Variants in GDAP1 observed in about 807,000 individuals in gnomAD.
GDAP1 encodes ganglioside induced differentiation associated protein 1, also known as ganglioside-induced differentiation-associated protein 1.
GDAP1 carries 34 observed loss-of-function variants against 40.1 expected under a neutral mutation model. The ratio of observed to expected loss-of-function variants is 0.85; its 90% CI spans 0.64 to 1.13. The LOEUF (loss-of-function observed/expected upper bound fraction) is 1.13, where lower values mean the gene tolerates loss of function less well. Ranked by LOEUF, GDAP1 falls within the 50% of genes most tolerant of loss-of-function variation. GDAP1 has a pLI of 0.00. For missense variants in GDAP1, 374 were observed against 433.7 expected, an observed-to-expected ratio of 0.86 and a Z score of 1.22; for synonymous variants, 170 against 157.4, an observed-to-expected ratio of 1.08 and a Z score of -0.60.
intron 2 of GDAP1, among the ~76,000 whole-genome samples, chr8:74,396,891 A>C (rs1318792498): frequency 6.6e-6 from 1 of 152,198 alleles, no homozygotes; most frequent in Non-Finnish European, 1.5e-5. Flanking sequence ...TGGCTGGGTC[A>C]AATTGTATTT....
intron 2 of GDAP1, among the ~76,000 whole-genome samples, chr8:74,399,773 G>A (rs1394524890): frequency 8.1e-6 from 1 of 123,774 alleles, no homozygotes; most frequent in Admixed American, 8.1e-5. Context: ...TGGTTTCAAA[G>A]AACATCTTTA....
downstream of GDAP1, among the ~76,000 whole-genome samples, chr8:74,369,704 G>A (rs934732686): frequency 4.0e-5 from 6 of 151,662 alleles, no homozygotes; most frequent in East Asian, 1.9e-4. Context: ...TTACTTACTC[G>A]TCCAAGAAAA....
rs144717682 is a variant in GDAP1, at chr8:74,356,659, AGTGTGTGTGT to A, written c.311-3455_311-3446del. 3.2e-4 allele frequency among the ~76,000 whole-genome samples: 39 copies of A among 122,996 alleles called. 1 individual carries two copies. The South Asian group carries it at 3.8e-3, about 12-fold the overall frequency. 80.7% of individuals were successfully genotyped at this position (122,996 alleles called of 152,430 possible). On this transcript the variant is annotated intron_variant, in intron 2 of 5. Coordinates refer to ENST00000220822, the MANE Select transcript of GDAP1 (RefSeq NM_018972.4). Reference sequence around the variant, plus strand: ...ATAACTTAATTGTTTAATATTATTTAGTGTGTGTGTGTGTGTGTGTGTGTGTGTGTGTTTG... The same window carrying A: ...ATAACTTAATTGTTTAATATTATTTAGTGTGTGTGTGTGTGTGTGTGTTTG...
chr8:74,354,275 T>C (rs1382425910), intron 2 of GDAP1, among the ~76,000 whole-genome samples: 1 of 152,186 alleles, frequency 6.6e-6, no homozygotes, highest in Non-Finnish European at 1.5e-5. Context: ...TTATGAAAAA[T>C]TATCCCCAAT....
At chr8:74,382,010 T>TC (rs1314087466) in intron 2 of GDAP1, among the ~76,000 whole-genome samples, 2 of 152,100 alleles carry the variant, frequency 1.3e-5, no homozygotes, top group Non-Finnish European at 1.5e-5. Context: ...CTTTTTTTTT[T>TC]CCTACTATTT....
At chr8:74,446,327 C>T (rs1332342441) in intron 2 of GDAP1, among the ~76,000 whole-genome samples, 2 of 152,082 alleles carry the variant, frequency 1.3e-5, no homozygotes, top group Non-Finnish European at 2.9e-5. Flanking sequence ...CCTTTTCTTT[C>T]TCTATTATGA....
chr8:74,457,658 ATT>A (rs1187718540), intron 2 of GDAP1, among the ~76,000 whole-genome samples: 1 of 152,112 alleles, frequency 6.6e-6, no homozygotes, highest in Non-Finnish European at 1.5e-5. Flanking sequence ...TTAAACATCT[ATT>A]TTTTTAAACG....
At position 74,364,812 on chromosome 8, in the gene GDAP1, T is replaced by A. The variant is rs1421035775; in HGVS notation, c.*445T>A. The A allele has an allele frequency of 6.6e-6, 3 of 455,500 alleles. No individual in the cohort carries two copies. The highest frequency in any genetic ancestry group is 4.0e-5 in the African/African-American group (2 of 50,084). 28.2% of individuals were successfully genotyped at this position (455,500 alleles called of 1,614,324 possible). On this transcript the variant is annotated 3_prime_UTR_variant, in exon 6 of 6. Coordinates refer to ENST00000220822, the MANE Select transcript of GDAP1 (RefSeq NM_018972.4). ...GCTGGAGAGAACCCCAGGCTTTATA[T>A]GTATACTTTGACCTCAGTGTTAATT...
At chr8:74,359,648 T>A (rs896726994) in intron 2 of GDAP1, among the ~76,000 whole-genome samples, 4 of 152,184 alleles carry the variant, frequency 2.6e-5, no homozygotes, top group African/African-American at 9.7e-5. Flanking sequence ...TAACCAAACT[T>A]TATTGAGGGC....
intron 2 of GDAP1, among the ~76,000 whole-genome samples, chr8:74,439,613 G>GT (rs796332721): frequency 6.0e-5 from 9 of 149,382 alleles, no homozygotes; most frequent in South Asian, 4.2e-4. Context: ...TTGTTTGTTT[G>GT]TTTTTTTTAA....
chr8:74,432,354 G>A (rs1554554781), intron 2 of GDAP1, among the ~76,000 whole-genome samples: 1 of 151,668 alleles, frequency 6.6e-6, no homozygotes, highest in African/African-American at 2.4e-5. Context: ...TTTTTTTCTG[G>A]TCATTCACTC....
At chr8:74,473,687 A>G (rs1586846243) in intron 2 of GDAP1, among the ~76,000 whole-genome samples, 1 of 152,190 alleles carries the variant, frequency 6.6e-6, no homozygotes, top group African/African-American at 2.4e-5. Context: ...TACCACTGCC[A>G]TGCTGTCTTG....
intron 2 of GDAP1, among the ~76,000 whole-genome samples, chr8:74,471,069 A>G (rs894846070): frequency 6.6e-6 from 1 of 152,136 alleles, no homozygotes; most frequent in African/African-American, 2.4e-5. Flanking sequence ...GTGTCTGTTC[A>G]TATCCTTCAC....
At chr8:74,363,188 C>T (rs1473351059) in intron 5 of GDAP1, 135 bp downstream of exon 5, 7 of 619,146 alleles carry the variant, frequency 1.1e-5, no homozygotes, top group Non-Finnish European at 2.0e-5. Context: ...ATTATGATAG[C>T]AATAATGATA....
chr8:74,423,804 A>G (rs866215753), intron 2 of GDAP1, among the ~76,000 whole-genome samples: 1 of 152,084 alleles, frequency 6.6e-6, no homozygotes, highest in African/African-American at 2.4e-5. Flanking sequence ...TTGGGAGCTT[A>G]TGCACACACT....
intron 2 of GDAP1, among the ~76,000 whole-genome samples, chr8:74,394,695 G>A (rs182315020): frequency 3.3e-5 from 5 of 152,248 alleles, no homozygotes; most frequent in East Asian, 1.9e-4. Flanking sequence ...ACACAAAGGC[G>A]TGATGAGGTG....
At chr8:74,368,700 A>C (rs1235857227), downstream of GDAP1, among the ~76,000 whole-genome samples, 3 of 152,188 alleles carry the variant, frequency 2.0e-5, no homozygotes, top group Non-Finnish European at 4.4e-5. Context: ...ACACTTTGTT[A>C]ATCCCCTAGT....
At position 74,365,483 on chromosome 8, in the gene GDAP1, T is replaced by A. The variant is rs1809582373; in HGVS notation, c.*1116T>A. 2.2e-6 allele frequency: 1 copy of A among 453,624 alleles called. No homozygotes were observed. The highest frequency in any genetic ancestry group is 4.4e-6 in the Non-Finnish European group (1 of 226,694). 28.1% of individuals were successfully genotyped at this position (453,624 alleles called of 1,614,324 possible). A position where few individuals can be genotyped will look rare whatever the true frequency, so the allele number is the denominator to read the frequency against. ...TGAATAACCTTGGAACTGCAACAAA[T>A]GGTTTGTGCTCAGAAAAAGTCTTTC... On this transcript the variant is annotated 3_prime_UTR_variant, in exon 6 of 6. Transcript: ENST00000220822.
intron 2 of GDAP1, among the ~76,000 whole-genome samples, chr8:74,379,675 C>T (rs1409963901): frequency 1.3e-5 from 2 of 152,178 alleles, no homozygotes; most frequent in Admixed American, 1.3e-4. Flanking sequence ...TGTTCTTGCT[C>T]TGCATCTTAA....
Sources: allele counts gnomAD v4.1 joint callset (sites outside exome capture counted in the v4.1 genomes callset), GRCh38; gene constraint gnomAD v4.1.1; transcripts MANE v1.5; gene names NCBI Gene and HGNC (gene_info 2026-07-23, HGNC 2026-07-21).